The following NKAIN2 variants were observed in gnomAD, a reference collection of about 807,000 sequenced individuals.
NKAIN2 encodes sodium/potassium-transporting ATPase subunit beta-1-interacting protein 2.
NKAIN2 carries 14 observed loss-of-function variants against 32.6 expected under a neutral mutation model. That is an observed-to-expected ratio of 0.43 (90% CI 0.28 to 0.67). The LOEUF (loss-of-function observed/expected upper bound fraction) is 0.67, where lower values mean the gene tolerates loss of function less well. Ranked by LOEUF, NKAIN2 falls within the 30% of genes least tolerant of loss-of-function variation. The pLI is 0.17. For missense variants in NKAIN2, 198 were observed against 258.3 expected (o/e 0.77, Z 1.60); for synonymous variants, 80 against 87.2 (o/e 0.92, Z 0.46).
At chr6:123,850,352 A>AT (rs72377161) in intron 1 of NKAIN2, among the ~76,000 whole-genome samples, 263 of 105,694 alleles carry the variant, frequency 2.5e-3, no homozygotes, top group Middle Eastern at 4.8e-3. Context: ...GAAAAAAAAA[A>AT]AAAATATATA....
chr6:123,900,184 A>G (rs1344661645), intron 1 of NKAIN2, among the ~76,000 whole-genome samples: 1 of 152,160 alleles, frequency 6.6e-6, no homozygotes, highest in Non-Finnish European at 1.5e-5. Context: ...TACACGATGA[A>G]AAACAGGATG....
At chr6:123,900,855 C>T (rs2114414549) in intron 1 of NKAIN2, among the ~76,000 whole-genome samples, 1 of 152,018 alleles carries the variant, frequency 6.6e-6, no homozygotes, top group South Asian at 2.1e-4. Context: ...TTGTTAGGAT[C>T]AGCAAAAGAA....
chr6:124,524,368 A>C (rs1422050774), intron 3 of NKAIN2, among the ~76,000 whole-genome samples: 2 of 152,322 alleles, frequency 1.3e-5, no homozygotes, highest in Admixed American at 6.5e-5. Context: ...AATATGCTGA[A>C]TATATAGTTG....
At chr6:124,734,898 T>G (rs1467862003) in intron 4 of NKAIN2, among the ~76,000 whole-genome samples, 1 of 151,882 alleles carries the variant, frequency 6.6e-6, no homozygotes, top group Non-Finnish European at 1.5e-5. Context: ...TTGAAGTTCT[T>G]TTAGACTTTT....
At chr6:123,871,587 G>C (rs1356058220) in intron 1 of NKAIN2, among the ~76,000 whole-genome samples, 1 of 152,032 alleles carries the variant, frequency 6.6e-6, no homozygotes, top group Non-Finnish European at 1.5e-5. Flanking sequence ...ATATCCAGGA[G>C]CTTCCAGAAA....
intron 3 of NKAIN2, among the ~76,000 whole-genome samples, chr6:124,557,302 G>A (rs1379434052): frequency 6.6e-6 from 1 of 151,988 alleles, no homozygotes; most frequent in Non-Finnish European, 1.5e-5. Context: ...CGTATTCAAA[G>A]TACAAAAAAG....
intron 1 of NKAIN2, among the ~76,000 whole-genome samples, chr6:123,918,472 A>G (rs1028332253): frequency 5.9e-5 from 9 of 152,222 alleles, no homozygotes; most frequent in African/African-American, 1.7e-4. Context: ...AAGAGAAAAT[A>G]TCAACCGCAT....
At chr6:124,610,191 A>C (rs1170983086) in intron 3 of NKAIN2, among the ~76,000 whole-genome samples, 1 of 152,174 alleles carries the variant, frequency 6.6e-6, no homozygotes, top group African/African-American at 2.4e-5. Context: ...GATTGATAGG[A>C]TATGTAATAT....
chr6:124,725,869 G>C (rs894587662), intron 4 of NKAIN2, among the ~76,000 whole-genome samples: 1 of 152,236 alleles, frequency 6.6e-6, no homozygotes, highest in Non-Finnish European at 1.5e-5. Context: ...GCAAGCCAAA[G>C]CAGGGCGAGG....
intron 1 of NKAIN2, among the ~76,000 whole-genome samples, chr6:124,266,475 C>T (rs145688921): frequency 2.3e-3 from 344 of 152,082 alleles, no homozygotes; most frequent in African/African-American, 7.9e-3. Flanking sequence ...GATGGGGTTT[C>T]GCCAGCTTGC....
chr6:124,723,758 A>G (rs1776140423), intron 4 of NKAIN2, among the ~76,000 whole-genome samples: 1 of 152,240 alleles, frequency 6.6e-6, no homozygotes, highest in Admixed American at 6.5e-5. Context: ...AGCTTATGCC[A>G]AAGAATTTTT....
chr6:123,950,345 C>A (rs1391681812), intron 1 of NKAIN2, among the ~76,000 whole-genome samples: 2 of 151,874 alleles, frequency 1.3e-5, no homozygotes, highest in African/African-American at 2.4e-5. Context: ...TTCCTCCTTT[C>A]CAATTTTTTA....
At chr6:124,069,383 T>A (rs996713853) in intron 1 of NKAIN2, among the ~76,000 whole-genome samples, 5 of 152,146 alleles carry the variant, frequency 3.3e-5, no homozygotes, top group Non-Finnish European at 7.4e-5. Context: ...ATTGGCTGCC[T>A]TAGTTAGGAC....
chr6:124,098,939 A>AAAATAAGG (rs1457655544), intron 1 of NKAIN2, among the ~76,000 whole-genome samples: 1 of 152,108 alleles, frequency 6.6e-6, no homozygotes, highest in East Asian at 1.9e-4. Flanking sequence ...TTATATTTAA[A>AAAATAAGG]AAATAAGGCC....
intron 3 of NKAIN2, among the ~76,000 whole-genome samples, chr6:124,416,798 G>C (rs182132088): frequency 4.6e-5 from 7 of 152,098 alleles, no homozygotes; most frequent in African/African-American, 1.7e-4. Flanking sequence ...TTCCTGTCCA[G>C]CCAAGGTGGT....
At chr6:124,634,060 C>G (rs2114321979) in intron 3 of NKAIN2, among the ~76,000 whole-genome samples, 1 of 151,964 alleles carries the variant, frequency 6.6e-6, no homozygotes, top group African/African-American at 2.4e-5. Flanking sequence ...AGCCAAAGCA[C>G]TCTACCCAAT....
intron 3 of NKAIN2, among the ~76,000 whole-genome samples, chr6:124,442,482 T>G (rs1775731325): frequency 6.6e-6 from 1 of 152,070 alleles, no homozygotes; most frequent in Non-Finnish European, 1.5e-5. Flanking sequence ...CCATATGAAT[T>G]GAGAGCCATA....
intron 2 of NKAIN2, among the ~76,000 whole-genome samples, chr6:124,301,491 C>A (rs2114976912): frequency 6.6e-6 from 1 of 152,254 alleles, no homozygotes. Flanking sequence ...CTCCAGACCC[C>A]ACAATGGTAG....
At chr6:123,996,169 TC>T (rs1176992839) in intron 1 of NKAIN2, among the ~76,000 whole-genome samples, 1 of 152,144 alleles carries the variant, frequency 6.6e-6, no homozygotes, top group Non-Finnish European at 1.5e-5. Context: ...TTATTTTTAA[TC>T]CTTCCTTGCT....
Sources: allele counts gnomAD v4.1 joint callset (sites outside exome capture counted in the v4.1 genomes callset), GRCh38; gene constraint gnomAD v4.1.1; transcripts MANE v1.5; gene names NCBI Gene and HGNC (gene_info 2026-07-23, HGNC 2026-07-21).